The following TMEM230 variants were observed in gnomAD, a reference collection of about 807,000 sequenced individuals.
TMEM230 encodes the protein transmembrane protein 230.
Under a neutral mutation model 15.8 loss-of-function variants are expected in TMEM230, and 10 were observed. The ratio of observed to expected loss-of-function variants is 0.63; its 90% confidence interval spans 0.39 to 1.07. The LOEUF (loss-of-function observed/expected upper bound fraction) is 1.07, where lower values mean the gene tolerates loss of function less well. Among genes scored for constraint, TMEM230 ranks in the 50% least tolerant of loss-of-function variants. The pLI, the probability that TMEM230 is intolerant of heterozygous loss-of-function variation, is 0.01. For synonymous variants in TMEM230, 67 were observed against 76.9 expected (o/e 0.87, Z 0.68); for missense variants, 165 against 193.3 (o/e 0.85, Z 0.87).
At chr20:5,100,979 T>A in intron 4 of TMEM230, 48 bp from the exon 4 acceptor site, 1 of 1,604,684 alleles carries the variant, frequency 6.2e-7, no homozygotes, top group Non-Finnish European at 8.5e-7. Flanking sequence ...GAGTTACACA[T>A]TTTAAAATAA....
exon 4 of TMEM230, chr20:5,069,306 T>C (rs966159142): frequency 2.1e-5 from 32 of 1,535,824 alleles, no homozygotes; most frequent in Non-Finnish European, 2.8e-5. Context: ...TGGTAGATGT[T>C]TGTGGTCAGC....
rs376745850 is a variant in TMEM230 at position 5,109,225 on chromosome 20, C to T, written c.288+107G>A. ...AGAGCTGAGTTTTCTTCTTGTTGCT[C>T]CTTCTAATCCCCAAGGACAGTTAGC... On this transcript the variant is annotated intron_variant, in intron 3 of 4. Transcript: ENST00000342308. 13 of 807,726 alleles carry T rather than the reference C, an allele frequency of 1.6e-5. No individual in the cohort carries two copies. In the East Asian group the frequency reaches 2.7e-4, roughly 17 times the overall value. The allele number at this position is 807,726 out of a possible 1,614,324, so 50.0% of individuals were successfully genotyped here.
chr20:5,064,367 G>A (rs924997441), downstream of TMEM230, among the ~76,000 whole-genome samples: 2 of 151,414 alleles, frequency 1.3e-5, no homozygotes, highest in Non-Finnish European at 2.9e-5. Context: ...ACCTGAGTTC[G>A]AGAGTTCAAG....
chr20:5,059,348 TCAA>T, the TMEM230 span, among the ~76,000 whole-genome samples: 1 of 152,106 alleles, frequency 6.6e-6, no homozygotes, highest in Non-Finnish European at 1.5e-5. Context: ...AAAAAAATTC[TCAA>T]CAACAAATAC....
chr20:5,097,422 C>G (rs2089694090), downstream of TMEM230, among the ~76,000 whole-genome samples: 1 of 152,136 alleles, frequency 6.6e-6, no homozygotes. Context: ...ATAAGAACAT[C>G]CTTTAAAAAA....
chr20:5,112,653 C>T, intron 1 of TMEM230: 1 of 1,336,510 alleles, frequency 7.5e-7, no homozygotes, highest in Admixed American at 3.5e-5. Context: ...TCCCTCAGCA[C>T]CTGAATGTTA....
intron 3 of TMEM230, among the ~76,000 whole-genome samples, chr20:5,076,206 C>T (rs2088988795): frequency 6.6e-6 from 1 of 151,934 alleles, no homozygotes; most frequent in African/African-American, 2.4e-5. Flanking sequence ...TGTTATTGTG[C>T]CCCAGAGGAT....
chr20:5,072,438 C>T (rs1379934516), intron 3 of TMEM230, among the ~76,000 whole-genome samples: 3 of 152,120 alleles, frequency 2.0e-5, no homozygotes, highest in African/African-American at 4.8e-5. Context: ...AGGATAGCCA[C>T]CCATGTTGGC....
chr20:5,109,307 C>G, intron 3 of TMEM230, 25 bp downstream of exon 2: 1 of 1,576,344 alleles, frequency 6.3e-7, no homozygotes, highest in Non-Finnish European at 8.7e-7. Flanking sequence ...GCCAGTCAGT[C>G]TTGTCAGTTC....
intron 1 of TMEM230, among the ~76,000 whole-genome samples, chr20:5,112,204 C>G (rs193170031): frequency 3.3e-5 from 5 of 152,316 alleles, no homozygotes; most frequent in Admixed American, 3.3e-4. Flanking sequence ...ATAATTGGTG[C>G]TAAATATTAA....
intron 3 of TMEM230, among the ~76,000 whole-genome samples, chr20:5,082,271 T>TG (rs1453242562): frequency 6.6e-6 from 1 of 151,530 alleles, no homozygotes; most frequent in African/African-American, 2.4e-5. Context: ...GACAGGGTCT[T>TG]GCTCTGTTGC....
intron 3 of TMEM230, among the ~76,000 whole-genome samples, chr20:5,081,456 C>A (rs749722197): frequency 7.9e-5 from 12 of 152,196 alleles, no homozygotes; most frequent in Non-Finnish European, 1.5e-4. Context: ...TCACGCACCC[C>A]GGCGGAGCAG....
intron 3 of TMEM230, among the ~76,000 whole-genome samples, chr20:5,077,831 T>TAA (rs11477792): frequency 7.0e-6 from 1 of 143,294 alleles, no homozygotes; most frequent in Non-Finnish European, 1.5e-5. Flanking sequence ...AAGACTCAAC[T>TAA]AAAAAAAAAA....
chr20:5,071,406 C>T (rs764193602), intron 3 of TMEM230, among the ~76,000 whole-genome samples: 5 of 151,994 alleles, frequency 3.3e-5, no homozygotes, highest in Non-Finnish European at 7.4e-5. Flanking sequence ...AGGCAGATCA[C>T]CTCAGGTCAG....
intron 3 of TMEM230, among the ~76,000 whole-genome samples, chr20:5,092,456 G>A (rs1398604587): frequency 1.3e-5 from 2 of 152,090 alleles, no homozygotes; most frequent in Admixed American, 1.3e-4. Flanking sequence ...GGTGGCTCAC[G>A]CCTGTAATCC....
intron 3 of TMEM230, among the ~76,000 whole-genome samples, chr20:5,088,854 A>G (rs2089430938): frequency 6.6e-6 from 1 of 152,172 alleles, no homozygotes; most frequent in Non-Finnish European, 1.5e-5. Context: ...CAACGGTGAT[A>G]GGCAGTCTAA....
In TMEM230 at chr20:5,100,097, C is replaced by T. The variant is rs1014752724; in HGVS notation, c.*694G>A. 14 of 985,068 alleles carry T rather than the reference C, an allele frequency of 1.4e-5. No individual in the cohort carries two copies. The highest frequency in any genetic ancestry group is 1.1e-4 in the African/African-American group (6 of 57,134). 61.0% of individuals were successfully genotyped at this position (985,068 alleles called of 1,614,324 possible). On this transcript the variant is annotated 3_prime_UTR_variant, in exon 5 of 5. Coordinates refer to ENST00000342308, the MANE Select transcript of TMEM230 (RefSeq NM_001009923.2). Reference sequence around the variant, plus strand: ...ATTAGGAAACAGCCAAAAGTCCGGCCGTTAAAGGAATAATCTGCAGAACAT... The same window carrying T: ...ATTAGGAAACAGCCAAAAGTCCGGCTGTTAAAGGAATAATCTGCAGAACAT...
At chr20:5,081,792 T>G (rs962695237) in intron 3 of TMEM230, among the ~76,000 whole-genome samples, 4 of 151,902 alleles carry the variant, frequency 2.6e-5, no homozygotes, top group Non-Finnish European at 5.9e-5. Flanking sequence ...AGGGGAACAC[T>G]CTCATTATGA....
chr20:5,063,277 ATT>A (rs1165126313), downstream of TMEM230, among the ~76,000 whole-genome samples: 710 of 86,292 alleles, frequency 8.2e-3, 6 homozygotes, highest in African/African-American at 0.036. Flanking sequence ...GCTGCTATGA[ATT>A]TTTTTTTTTT....
Sources: allele counts gnomAD v4.1 joint callset (sites outside exome capture counted in the v4.1 genomes callset), GRCh38; gene constraint gnomAD v4.1.1; transcripts MANE v1.5; gene names NCBI Gene and HGNC (gene_info 2026-07-23, HGNC 2026-07-21).